ERBIN: variants seen among roughly 807,000 people sequenced by gnomAD.
The protein encoded by ERBIN is erbb2 interacting protein, also known as densin-180-like protein.
A neutral mutation model predicts 158.4 loss-of-function variants in ERBIN; 60 were observed. The ratio of observed to expected loss-of-function variants is 0.38; its 90% CI spans 0.31 to 0.47. The LOEUF is 0.47. ERBIN is among the 20% of genes least tolerant of loss of function. The pLI, the probability that ERBIN is intolerant of heterozygous loss-of-function variation, is 0.99. For synonymous variants in ERBIN, 594 were observed against 557.2 expected (o/e 1.07, Z -0.93); for missense variants, 1,610 against 1,648.0 (o/e 0.98, Z 0.40).
Position 66,079,250 on chromosome 5 carries a change from T to C in ERBIN, c.*720T>C, listed in dbSNP as rs1762265555. 1.3e-5 allele frequency: 2 copies of C among 152,590 alleles called. No homozygotes were observed. The highest frequency in any genetic ancestry group is 2.4e-5 in the African/African-American group (1 of 41,440). The allele number at this position is 152,590 out of a possible 1,614,324, so 9.5% of individuals were successfully genotyped here. ...ATGAGCTCGGCAGGATCTGTTCTTGTCATAGCCATTGACTATACATTTGCT... is the reference window on the plus strand; with the variant it reads ...ATGAGCTCGGCAGGATCTGTTCTTGCCATAGCCATTGACTATACATTTGCT... On this transcript the variant is annotated 3_prime_UTR_variant, in exon 26 of 26. Coordinates refer to ENST00000284037, the MANE Select transcript of ERBIN (RefSeq NM_001253697.2).
intron 25 of ERBIN, among the ~76,000 whole-genome samples, chr5:66,078,053 A>G (rs750886762): frequency 6.6e-6 from 1 of 152,192 alleles, no homozygotes; most frequent in Non-Finnish European, 1.5e-5. Flanking sequence ...TGTAAGAAAT[A>G]TGGTGGTCTT....
rs59712256 is a variant in ERBIN, at chr5:65,948,762, G to GTTTTTTTTT, written c.-58+21967_-58+21975dup. On this transcript the variant is annotated intron_variant, in intron 1 of 25. Transcript: ENST00000284037. ...ATGACATACTGGAGTTCTGTTTTGCGTTTTTTTTTTTTTTTTTTTGAGACA... is the reference window on the plus strand; with the variant it reads ...ATGACATACTGGAGTTCTGTTTTGCGTTTTTTTTTTTTTTTTTTTTTTTTTTTTGAGACA... Among the ~76,000 whole-genome samples the GTTTTTTTTT allele has an allele frequency of 1.1e-4, 12 of 105,616 alleles. 3 individuals carry two copies. The highest frequency in any genetic ancestry group is 8.9e-5 in the Non-Finnish European group (5 of 56,100). 69.3% of individuals were successfully genotyped at this position (105,616 alleles called of 152,430 possible). A position where few individuals can be genotyped will look rare whatever the true frequency, so the allele number is the denominator to read the frequency against.
intron 1 of ERBIN, among the ~76,000 whole-genome samples, chr5:65,967,446 A>G (rs1748781532): frequency 6.6e-6 from 1 of 151,880 alleles, no homozygotes; most frequent in African/African-American, 2.4e-5. Context: ...CTATGTTTAG[A>G]TATGTTTAAA....
rs1449677206 is a variant in ERBIN at position 66,079,411 on chromosome 5, T to A, written c.*881T>A. On this transcript the variant is annotated 3_prime_UTR_variant, in exon 26 of 26. Coordinates refer to ENST00000284037, the MANE Select transcript of ERBIN (RefSeq NM_001253697.2). ...TTCAAATGGTGGTACTTGCAATCTGTTTTATAATTAGTGCTCCATTTAAAT... is the reference window on the plus strand; with the variant it reads ...TTCAAATGGTGGTACTTGCAATCTGATTTATAATTAGTGCTCCATTTAAAT... The A allele has an allele frequency of 2.0e-5, 3 of 152,346 alleles. No individual in the cohort carries two copies. The highest frequency in any genetic ancestry group is 7.2e-5 in the African/African-American group (3 of 41,392). The allele number at this position is 152,346 out of a possible 1,614,324, so 9.4% of individuals were successfully genotyped here.
At chr5:65,927,642 A>G (rs536747854) in intron 1 of ERBIN, among the ~76,000 whole-genome samples, 1 of 152,242 alleles carries the variant, frequency 6.6e-6, no homozygotes, top group Non-Finnish European at 1.5e-5. Context: ...ACGATTTTCA[A>G]GGGAATCACA....
At position 66,054,566 on chromosome 5, in the gene ERBIN, C is replaced by T. The variant is rs758481137; in HGVS notation, c.3248C>T (p.Thr1083Ile). ...TIQRQSSVSSTASVNLGDPGS... is the reference protein window; with the variant it reads ...TIQRQSSVSSIASVNLGDPGS... ...CAGCGACAAAGTAGTGTGTCCTCCA[C>T]AGCCTCTGTAAATCTTGGTGATCCA... The change falls in exon 21 of 26, where the codon ACA becomes ATA. Residue 1083 changes from threonine (T) to isoleucine (I), a missense_variant. Thr to Ile is a moderately conservative substitution (Grantham distance 89). Around this residue, in one of 2 missense-constraint regions of ERBIN, gnomAD observed 1,014 missense variants for 936.1 expected, o/e 1.08. Coordinates refer to ENST00000284037, the MANE Select transcript of ERBIN (RefSeq NM_001253697.2). The T allele has an allele frequency of 1.2e-6, 2 of 1,614,082 alleles. No homozygotes were observed. Among genetic ancestry groups the T allele is most frequent in the African/African-American group, 1.3e-5 (1 of 74,938 alleles).
chr5:65,980,810 A>G (rs920830649), intron 1 of ERBIN, among the ~76,000 whole-genome samples: 3 of 152,220 alleles, frequency 2.0e-5, no homozygotes, highest in African/African-American at 4.8e-5. Flanking sequence ...TGAATCTCCA[A>G]CATACATGAA....
At chr5:65,926,975 C>T (rs1257050187) in intron 1 of ERBIN, among the ~76,000 whole-genome samples, 169 bp downstream of exon 1, 1 of 152,040 alleles carries the variant, frequency 6.6e-6, no homozygotes, top group African/African-American at 2.4e-5. Flanking sequence ...AACTGCACCC[C>T]ACCGCGTCCC....
rs1278893836 is a variant in ERBIN, at chr5:65,940,277, C to T, written c.-58+13471C>T. On this transcript the variant is annotated intron_variant, in intron 1 of 25. Transcript: ENST00000284037. ...GGTGAGGAGCGTCTCTGCCCAGCCGCCCCGTCTGAGAAGTGAGGAGACCCT... is the reference window on the plus strand; with the variant it reads ...GGTGAGGAGCGTCTCTGCCCAGCCGTCCCGTCTGAGAAGTGAGGAGACCCT... 4.7e-5 allele frequency among the ~76,000 whole-genome samples: 7 copies of T among 150,536 alleles called. No individual in the cohort carries two copies. In the East Asian group the frequency reaches 1.4e-3, roughly 30 times the overall value.
At position 66,044,060 on chromosome 5, in the gene ERBIN, G is replaced by T. The variant is rs1580446533; in HGVS notation, c.1429-77G>T. On this transcript the variant is annotated intron_variant, in intron 16 of 25. Coordinates refer to ENST00000284037, the MANE Select transcript of ERBIN (RefSeq NM_001253697.2). ...CTTGATATCTAATGTAATTCAGATG[G>T]GTTACAGATTAAATTTTGTTTGAGA... 9.4e-6 allele frequency: 10 copies of T among 1,063,292 alleles called. No individual in the cohort carries two copies. The East Asian group carries it at 1.9e-4, about 21-fold the overall frequency. The allele number at this position is 1,063,292 out of a possible 1,614,324, so 65.9% of individuals were successfully genotyped here. A position where few individuals can be genotyped will look rare whatever the true frequency, so the allele number is the denominator to read the frequency against.
chr5:66,018,508 A>ATATTATATAATATATATTATATAT (rs1755155338), intron 7 of ERBIN, among the ~76,000 whole-genome samples: 1 of 10,068 alleles, frequency 9.9e-5, no homozygotes, highest in Admixed American at 2.0e-3. Flanking sequence ...AATATATATT[A>ATATTATATAATATATATTATATAT]TATATTATAT....
chr5:66,053,101 A>AG, intron 20 of ERBIN, among the ~76,000 whole-genome samples: 1 of 146,892 alleles, frequency 6.8e-6, no homozygotes, highest in African/African-American at 2.8e-5. Context: ...GCAAACATTA[A>AG]AATTTTATTC....
At chr5:66,071,878 A>C (rs1315607725) in intron 21 of ERBIN, among the ~76,000 whole-genome samples, 1 of 152,192 alleles carries the variant, frequency 6.6e-6, no homozygotes, top group African/African-American at 2.4e-5. Flanking sequence ...GTAAAACTAA[A>C]AGGAAAAAAT....
chr5:66,030,789 T>A (rs1756786615), intron 14 of ERBIN, among the ~76,000 whole-genome samples: 1 of 152,000 alleles, frequency 6.6e-6, no homozygotes, highest in Non-Finnish European at 1.5e-5. Flanking sequence ...CAGGCTGGTC[T>A]TGAACTCCTG....
intron 9 of ERBIN, 110 bp from the exon 10 acceptor site, chr5:66,024,196 T>C: frequency 1.4e-6 from 1 of 715,008 alleles, no homozygotes; most frequent in Non-Finnish European, 2.2e-6. Flanking sequence ...TCTTCTTTCT[T>C]GTATTAGCAT....
intron 21 of ERBIN, among the ~76,000 whole-genome samples, chr5:66,056,544 T>C (rs544838581): frequency 6.6e-6 from 1 of 152,316 alleles, no homozygotes; most frequent in African/African-American, 2.4e-5. Context: ...AATCCGCTTT[T>C]TTTTTTAATT....
chr5:65,979,624 G>A (rs1750427608), intron 1 of ERBIN, among the ~76,000 whole-genome samples: 1 of 152,160 alleles, frequency 6.6e-6, no homozygotes, highest in South Asian at 2.1e-4. Context: ...GGGGGATTGG[G>A]TATTTTCAGG....
At position 66,025,738 on chromosome 5, in the gene ERBIN, G is replaced by T. The variant is rs530277821; in HGVS notation, c.891-110G>T. 11 of 921,658 alleles carry T rather than the reference G, an allele frequency of 1.2e-5. No homozygotes were observed. In the African/African-American group the frequency reaches 1.9e-4, roughly 16 times the overall value. The allele number at this position is 921,658 out of a possible 1,614,324, so 57.1% of individuals were successfully genotyped here. ...TGGTGAAGTTTAGCTTTGTGAAATG[G>T]TTTCACTAGGTTTTCAAAGTCAAGT... On this transcript the variant is annotated intron_variant, in intron 11 of 25. Transcript: ENST00000284037.
At chr5:66,063,913 C>T (rs914272032) in intron 21 of ERBIN, among the ~76,000 whole-genome samples, 1 of 152,068 alleles carries the variant, frequency 6.6e-6, no homozygotes, top group African/African-American at 2.4e-5. Context: ...ATAGAAATTT[C>T]AATGGAAATT....
Sources: gnomAD v4.1 joint callset for allele counts (sites outside exome capture counted in the v4.1 genomes callset) on GRCh38, gnomAD v4.1.1 for gene constraint, gnomAD v4.1.1 regional missense constraint, MANE v1.5 for transcripts, NCBI Gene and HGNC (gene_info 2026-07-23, HGNC 2026-07-21) for gene names.